EYA1: variants seen among roughly 807,000 people sequenced by gnomAD.
The protein encoded by EYA1 is EYA transcriptional coactivator and phosphatase 1.
EYA1 carries 16 observed loss-of-function variants against 82.0 expected under a neutral mutation model. The observed-to-expected ratio is 0.20, with a 90% CI of 0.13 to 0.30. The LOEUF is 0.30. EYA1 is among the 10% of genes least tolerant of loss of function. The pLI is 1.00. For synonymous variants in EYA1, 261 were observed against 264.4 expected (o/e 0.99, Z 0.12); for missense variants, 633 against 730.7 (o/e 0.87, Z 1.54).
intron 2 of EYA1, among the ~76,000 whole-genome samples, chr8:71,484,199 G>A (rs6651319): frequency 6.6e-6 from 1 of 152,188 alleles, no homozygotes; most frequent in African/African-American, 2.4e-5. Flanking sequence ...TGTCAGGGGG[G>A]TTTTAAGAGA....
Position 71,216,718 on chromosome 8 carries a change from T to C in EYA1, c.1334A>G (p.Tyr445Cys), listed in dbSNP as rs1406115296. The change falls in exon 14 of 18, where the codon TAC (tyrosine) becomes TGC (cysteine). Residue 445 changes from tyrosine (Y) to cysteine (C), a missense_variant. Tyr to Cys is a radical substitution (Grantham distance 194). Coordinates refer to ENST00000340726, the MANE Select transcript of EYA1 (RefSeq NM_000503.6). ...AFRYRRVKEI[Y>C]NTYKNNVGGL... ...TCCAACATTATTTTTGTAGGTGTTG[T>C]AGATCTCTTTTACCCGTCTGTAGCG... The C allele has an allele frequency of 6.2e-7, 1 of 1,614,174 alleles. No individual in the cohort carries two copies. Among genetic ancestry groups the C allele is most frequent in the Admixed American group, 1.7e-5 (1 of 60,018 alleles).
At chr8:71,533,569 A>G (rs930064601) in intron 2 of EYA1, among the ~76,000 whole-genome samples, 1 of 152,204 alleles carries the variant, frequency 6.6e-6, no homozygotes, top group Admixed American at 6.5e-5. Flanking sequence ...GCTAGAGTAC[A>G]GTAGCGCAAC....
intron 2 of EYA1, among the ~76,000 whole-genome samples, chr8:71,439,921 C>G (rs552431885): frequency 6.6e-6 from 1 of 152,044 alleles, no homozygotes; most frequent in South Asian, 2.1e-4. Context: ...ACCTAGACTG[C>G]GGCCTGGCAT....
intron 17 of EYA1, among the ~76,000 whole-genome samples, chr8:71,205,572 C>T (rs1028506916): frequency 8.5e-5 from 13 of 152,210 alleles, no homozygotes; most frequent in African/African-American, 2.4e-4. Context: ...TGTTCTTTTA[C>T]GAAACAAAGG....
At chr8:71,458,727 A>C (rs2129187288) in intron 2 of EYA1, among the ~76,000 whole-genome samples, 1 of 152,328 alleles carries the variant, frequency 6.6e-6, no homozygotes, top group Admixed American at 6.5e-5. Context: ...AAGATAAAGA[A>C]GAGTGGGGTA....
At chr8:71,208,526 TAA>T (rs2128826782) in intron 17 of EYA1, among the ~76,000 whole-genome samples, 1 of 152,248 alleles carries the variant, frequency 6.6e-6, no homozygotes, top group Admixed American at 6.5e-5. Flanking sequence ...CAGAAATACA[TAA>T]AGTTTTCATG....
intron 2 of EYA1, among the ~76,000 whole-genome samples, chr8:71,457,952 T>A (rs1808078554): frequency 6.6e-6 from 1 of 152,172 alleles, no homozygotes; most frequent in Non-Finnish European, 1.5e-5. Flanking sequence ...TTGACTCACC[T>A]TACATCTTAA....
rs1224932715 is a variant in EYA1 at position 71,361,988 on chromosome 8, C to T, written c.-396G>A. 1.0e-6 allele frequency: 1 copy of T among 985,260 alleles called. No homozygotes were observed. The highest frequency in any genetic ancestry group is 1.1e-4 in the East Asian group (1 of 8,810). The allele number at this position is 985,260 out of a possible 1,614,324, so 61.0% of individuals were successfully genotyped here. ...TACCTCGCCCCAAACTCGGAGCCATCAGCTCCCACCGTTCTGTTTGGTAAC... is the reference window on the plus strand; with the variant it reads ...TACCTCGCCCCAAACTCGGAGCCATTAGCTCCCACCGTTCTGTTTGGTAAC... On this transcript the variant is annotated 5_prime_UTR_variant, in exon 1 of 18. It removes the in-frame stop codon of an upstream open reading frame in the 5' UTR. Coordinates refer to ENST00000340726, the MANE Select transcript of EYA1 (RefSeq NM_000503.6).
rs1826666969 is a variant in EYA1, at chr8:71,354,653, A to G, written c.124+129T>C. On this transcript the variant is annotated intron_variant, in intron 3 of 17. Transcript: ENST00000340726. The stretch of plus-strand genomic sequence containing the variant: ...TGAGTACTGATTGGTAAGTCACATT[A>G]TTACCTAAAGGGGAAATATAAGAGT... 3 of 896,030 alleles carry G rather than the reference A, an allele frequency of 3.3e-6. No individual in the cohort carries two copies. In the East Asian group the frequency reaches 8.1e-5, roughly 24 times the overall value. 55.5% of individuals were successfully genotyped at this position (896,030 alleles called of 1,614,324 possible).
chr8:71,458,625 T>C (rs117485912), intron 2 of EYA1, among the ~76,000 whole-genome samples: 1,612 of 152,206 alleles, frequency 0.011, 18 homozygotes, highest in South Asian at 0.037. Context: ...GGATTAGATA[T>C]GGATGATGAA....
chr8:71,217,814 A>G (rs886515194), intron 12 of EYA1, among the ~76,000 whole-genome samples: 1 of 152,182 alleles, frequency 6.6e-6, no homozygotes, highest in Non-Finnish European at 1.5e-5. Context: ...TGTGTAAACT[A>G]CTTAGAATAG....
At chr8:71,427,244 C>A (rs1425299156) in intron 2 of EYA1, among the ~76,000 whole-genome samples, 1 of 152,174 alleles carries the variant, frequency 6.6e-6, no homozygotes, top group African/African-American at 2.4e-5. Flanking sequence ...TGGGAGTTTA[C>A]ACGAGGCAAG....
chr8:71,533,691 T>G (rs1292899302), intron 2 of EYA1, among the ~76,000 whole-genome samples: 2 of 152,200 alleles, frequency 1.3e-5, no homozygotes, highest in Admixed American at 1.3e-4. Context: ...AGGAGTAACC[T>G]GAGAGCCAAA....
At chr8:71,547,879 G>T (rs78072741) in exon 1 of EYA1, 27,396 of 151,588 alleles carry the variant, frequency 0.18, 2,589 homozygotes, top group Admixed American at 0.23. Context: ...TCACAACTGC[G>T]GCGACGGGGG....
intron 2 of EYA1, among the ~76,000 whole-genome samples, chr8:71,431,274 T>C (rs943633082): frequency 7.2e-5 from 11 of 152,212 alleles, no homozygotes; most frequent in Non-Finnish European, 1.6e-4. Context: ...TGTAAGTATA[T>C]TCAGTGAGCA....
intron 4 of EYA1, among the ~76,000 whole-genome samples, chr8:71,322,926 T>TA (rs11386111): frequency 0.09 from 13,752 of 152,070 alleles, 1,137 homozygotes; most frequent in East Asian, 0.44. Context: ...AATGTTCAAC[T>TA]AAAAAAAGGT....
At chr8:71,457,841 A>T (rs1192756560) in intron 2 of EYA1, among the ~76,000 whole-genome samples, 1 of 152,186 alleles carries the variant, frequency 6.6e-6, no homozygotes, top group Non-Finnish European at 1.5e-5. Context: ...TATGTAACAA[A>T]CCTGCACGTT....
intron 2 of EYA1, among the ~76,000 whole-genome samples, chr8:71,396,208 G>T (rs1255590808): frequency 1.3e-5 from 2 of 152,034 alleles, no homozygotes; most frequent in African/African-American, 4.8e-5. Context: ...CTTTCTAGCG[G>T]TCTATTAATT....
At chr8:71,537,504 A>G (rs1814794669) in intron 1 of EYA1, among the ~76,000 whole-genome samples, 1 of 152,184 alleles carries the variant, frequency 6.6e-6, no homozygotes, top group Non-Finnish European at 1.5e-5. Flanking sequence ...CCAGGCACCA[A>G]GGTGGGATTT....
Sources: gnomAD v4.1 joint callset for allele counts (sites outside exome capture counted in the v4.1 genomes callset) on GRCh38, gnomAD v4.1.1 for gene constraint, MANE v1.5 for transcripts, NCBI Gene and HGNC (gene_info 2026-07-23, HGNC 2026-07-21) for gene names.